APOH: variants seen among roughly 807,000 people sequenced by gnomAD.
The protein encoded by APOH is apolipoprotein H, also known as beta-2-glycoprotein 1.
A neutral mutation model predicts 39.8 loss-of-function variants in APOH; 48 were observed. The observed-to-expected ratio is 1.21, with a 90% CI of 0.96 to 1.54. APOH has a LOEUF of 1.54. Among genes scored for constraint, APOH ranks in the 40% most tolerant of loss-of-function variants. The pLI is 0.00. For missense variants in APOH, 415 were observed against 421.2 expected, an observed-to-expected ratio of 0.99 and a Z score of 0.13; for synonymous variants, 153 against 151.1, an observed-to-expected ratio of 1.01 and a Z score of -0.09.
intron 5 of APOH, among the ~76,000 whole-genome samples, chr17:66,218,628 C>A (rs1220018389): frequency 6.6e-6 from 1 of 152,080 alleles, no homozygotes; most frequent in South Asian, 2.1e-4. Flanking sequence ...AGTAAATAAC[C>A]AATCAAGTTC....
intron 3 of APOH, among the ~76,000 whole-genome samples, chr17:66,225,533 T>A (rs140492732): frequency 1.3e-5 from 2 of 152,344 alleles, no homozygotes; most frequent in East Asian, 3.9e-4. Flanking sequence ...AGAGATCATA[T>A]GGAATTATCA....
At chr17:66,216,166 C>CA (rs35488139) in intron 6 of APOH, among the ~76,000 whole-genome samples, 15,128 of 108,120 alleles carry the variant, frequency 0.14, 980 homozygotes, top group African/African-American at 0.17. Context: ...GACTCCATCT[C>CA]AAAAAAAAAA....
At chr17:66,224,637 AGAAGGGAAGGGAAGG>A (rs1194664089) in intron 3 of APOH, among the ~76,000 whole-genome samples, 1,260 of 51,796 alleles carry the variant, frequency 0.024, 82 homozygotes, top group East Asian at 0.035. Context: ...AGAAAGGAAG[AGAAGGGAAGGGAAGG>A]GAAGGGAAGG....
At chr17:66,226,503 T>C (rs7222718) in intron 2 of APOH, among the ~76,000 whole-genome samples, 23,446 of 151,728 alleles carry the variant, frequency 0.15, 2,196 homozygotes, top group African/African-American at 0.27. Context: ...GGCATGATGG[T>C]GGGTGCCTGT....
intron 3 of APOH, 33 bp from the exon 4 acceptor site, chr17:66,223,807 A>C: frequency 1.3e-6 from 2 of 1,570,692 alleles, no homozygotes; most frequent in South Asian, 1.1e-5. Context: ...ATCAAGGAGT[A>C]AAATAATCCA....
At chr17:66,221,955 C>T (rs1357191336) in intron 4 of APOH, among the ~76,000 whole-genome samples, 5 of 152,176 alleles carry the variant, frequency 3.3e-5, no homozygotes, top group Non-Finnish European at 5.9e-5. Flanking sequence ...GAAGCTCAGA[C>T]CCCACTGCAG....
intron 4 of APOH, among the ~76,000 whole-genome samples, chr17:66,221,630 G>T (rs1005498384): frequency 1.1e-4 from 16 of 152,108 alleles, no homozygotes; most frequent in Non-Finnish European, 1.9e-4. Context: ...GCTGGTGACA[G>T]CAACTTGGTA....
At chr17:66,224,730 A>T (rs866562975) in intron 3 of APOH, among the ~76,000 whole-genome samples, 27 of 142,194 alleles carry the variant, frequency 1.9e-4, no homozygotes, top group African/African-American at 7.1e-4. Context: ...AAGGAAAGGA[A>T]AGGAAAGGAA....
At chr17:66,217,992 G>A (rs1041409764) in intron 5 of APOH, among the ~76,000 whole-genome samples, 1 of 152,110 alleles carries the variant, frequency 6.6e-6, no homozygotes, top group Non-Finnish European at 1.5e-5. Flanking sequence ...AAAAATGGTG[G>A]ATGGAGGGAA....
In APOH at chr17:66,223,775, C is replaced by T. The variant is rs973051565; in HGVS notation, c.339-1G>A. Reference sequence around the variant, plus strand: ...AGAATCAGCGCCATTCAGATAAAACCTGCAAAAGGAAAATTCATTCTATCA... The same window carrying T: ...AGAATCAGCGCCATTCAGATAAAACTTGCAAAAGGAAAATTCATTCTATCA... On this transcript the variant is annotated splice_acceptor_variant, in intron 3 of 7. Coordinates refer to ENST00000205948, the MANE Select transcript of APOH (RefSeq NM_000042.3). LOFTEE classifies it high-confidence loss of function. The T allele has an allele frequency of 1.9e-6, 3 of 1,613,996 alleles. No individual in the cohort carries two copies. The highest frequency in any genetic ancestry group is 2.5e-6 in the Non-Finnish European group (3 of 1,179,884).
At chr17:66,225,869 T>G (rs8178834) in intron 3 of APOH, among the ~76,000 whole-genome samples, 159 bp downstream of exon 3, 5,076 of 145,424 alleles carry the variant, frequency 0.035, 125 homozygotes, top group Middle Eastern at 0.065. Flanking sequence ...AGAGCGAGAC[T>G]CCGTCTCAAA....
chr17:66,227,582 T>C (rs762357867), intron 2 of APOH, among the ~76,000 whole-genome samples: 1 of 152,224 alleles, frequency 6.6e-6, no homozygotes, highest in Non-Finnish European at 1.5e-5. Flanking sequence ...ATATAATATA[T>C]ACATAATGTA....
chr17:66,214,713 A>G (rs2073354545), intron 6 of APOH, 63 bp from the exon 7 acceptor site: 24 of 1,442,746 alleles, frequency 1.7e-5, no homozygotes, highest in Non-Finnish European at 2.3e-5. Context: ...GAAAGAGAGT[A>G]TAGCATTTGA....
Position 66,220,866 on chromosome 17 carries a change from G to A in APOH, c.416-124C>T, listed in dbSNP as rs2073394174. The A allele has an allele frequency of 5.7e-6, 6 of 1,055,530 alleles. No individual in the cohort carries two copies. In the South Asian group the frequency reaches 1.1e-4, roughly 19 times the overall value. 65.4% of individuals were successfully genotyped at this position (1,055,530 alleles called of 1,614,324 possible). A position where few individuals can be genotyped will look rare whatever the true frequency, so the allele number is the denominator to read the frequency against. On this transcript the variant is annotated intron_variant, in intron 4 of 7. Transcript: ENST00000205948. ...AAAATGCAAACTGATCAAATTAGCA[G>A]GGTAAAAATTGTCAATTGTGGATGC...
chr17:66,218,605 G>A (rs531838619), intron 5 of APOH, among the ~76,000 whole-genome samples: 2 of 152,232 alleles, frequency 1.3e-5, no homozygotes, highest in South Asian at 4.1e-4. Context: ...TATTTAACAT[G>A]AATCTAATCA....
chr17:66,220,128 T>C (rs1485887705), intron 5 of APOH, among the ~76,000 whole-genome samples: 1 of 152,178 alleles, frequency 6.6e-6, no homozygotes, highest in Non-Finnish European at 1.5e-5. Flanking sequence ...TTAACCTTCA[T>C]CTCCTAGGAC....
Position 66,228,204 on chromosome 17 carries a change from A to T in APOH, c.65-8T>A. ...CATCTGGCTTGGGACAGGCTGAAAGAGGGCACAAAGCAGATGGTTAACAAA... is the reference window on the plus strand; with the variant it reads ...CATCTGGCTTGGGACAGGCTGAAAGTGGGCACAAAGCAGATGGTTAACAAA... On this transcript the variant is annotated splice_region_variant and splice_polypyrimidine_tract_variant and intron_variant, in intron 1 of 7. Coordinates refer to ENST00000205948, the MANE Select transcript of APOH (RefSeq NM_000042.3). 6.2e-7 allele frequency: 1 copy of T among 1,610,976 alleles called. No homozygotes were observed. The highest frequency in any genetic ancestry group is 8.5e-7 in the Non-Finnish European group (1 of 1,178,190).
intron 4 of APOH, among the ~76,000 whole-genome samples, chr17:66,220,955 G>A (rs1172329757): frequency 1.3e-5 from 2 of 152,118 alleles, no homozygotes; most frequent in Admixed American, 1.3e-4. Flanking sequence ...CACTTTGGGA[G>A]GCTGAGGTGG....
At chr17:66,228,308 G>C in intron 1 of APOH, 112 bp from the exon 2 acceptor site, 5 of 1,132,588 alleles carry the variant, frequency 4.4e-6, no homozygotes, top group Non-Finnish European at 6.3e-6. Context: ...AGCATACCAA[G>C]TTGCATGCCA....
Sources: allele counts gnomAD v4.1 joint callset (sites outside exome capture counted in the v4.1 genomes callset), GRCh38; gene constraint gnomAD v4.1.1; transcripts MANE v1.5; gene names NCBI Gene and HGNC (gene_info 2026-07-23, HGNC 2026-07-21).